Variants in AIFM3 observed in about 807,000 individuals in gnomAD.
The protein encoded by AIFM3 is AIF family member 3, also known as apoptosis-inducing factor 3.
Under a neutral mutation model 82.7 loss-of-function variants are expected in AIFM3, and 71 were observed. That is an observed-to-expected ratio of 0.86 (90% confidence interval 0.71 to 1.05). The LOEUF (loss-of-function observed/expected upper bound fraction) is 1.05, where lower values mean the gene tolerates loss of function less well. AIFM3 is among the 50% of genes least tolerant of loss of function. The pLI, the probability that AIFM3 is intolerant of heterozygous loss-of-function variation, is 0.00. For synonymous variants in AIFM3, 337 were observed against 329.1 expected, an observed-to-expected ratio of 1.02 and a Z score of -0.26; for missense variants, 748 against 816.7, an observed-to-expected ratio of 0.92 and a Z score of 1.03.
At chr22:20,969,652 A>G (rs915977292) in intron 2 of AIFM3, among the ~76,000 whole-genome samples, 1 of 152,114 alleles carries the variant, frequency 6.6e-6, no homozygotes, top group Non-Finnish European at 1.5e-5. Flanking sequence ...GATGGTCTCT[A>G]TCTCCTGACC....
Position 20,976,660 on chromosome 22 carries a change from T to C in AIFM3, c.1040T>C (p.Val347Ala). Residue 347 changes from valine to alanine, a missense_variant, in exon 12 of 21, where the codon GTG becomes GCG. Physicochemically the swap from Val to Ala is moderately conservative, Grantham distance 64. This residue lies in a region of AIFM3 where 393 missense variants were observed against 481.1 expected (regional missense o/e 0.82). Transcript: ENST00000440238. ...CCCTGCCCATCACCAGGGATGGAGG[T>C]GGCCGCTTACCTGACGGAGAAGGCC... ...VVGAGFLGME[V>A]AAYLTEKAHS... 1.2e-6 allele frequency: 2 copies of C among 1,610,028 alleles called. No individual in the cohort carries two copies. The highest frequency in any genetic ancestry group is 2.2e-5 in the South Asian group (2 of 90,584).
At chr22:20,968,548 T>A (rs178255) in intron 2 of AIFM3, among the ~76,000 whole-genome samples, 2 of 151,994 alleles carry the variant, frequency 1.3e-5, no homozygotes. Flanking sequence ...GAAATCACCA[T>A]CCAACCTAGC....
intron 2 of AIFM3, among the ~76,000 whole-genome samples, chr22:20,972,883 A>G (rs763956423): frequency 5.9e-5 from 9 of 152,030 alleles, no homozygotes; most frequent in Non-Finnish European, 1.3e-4. Flanking sequence ...TGTCTCTACC[A>G]ACCCTGTCAC....
rs914239915 is a variant in AIFM3 at position 20,979,615 on chromosome 22, C to T, written c.1577-12C>T. The stretch of plus-strand genomic sequence containing the variant: ...GGCTCACGTGGGTGCCACCCACCTG[C>T]CCGGCCCACAGGCTACGGAGAAGGC... On this transcript the variant is annotated splice_polypyrimidine_tract_variant and intron_variant, in intron 17 of 20. Transcript: ENST00000440238. The T allele has an allele frequency of 1.9e-6, 3 of 1,613,990 alleles. No individual in the cohort carries two copies. The highest frequency in any genetic ancestry group is 1.7e-5 in the Admixed American group (1 of 60,006).
Position 20,976,760 on chromosome 22 carries a change from C to T in AIFM3, c.1140C>T (p.Leu380=), listed in dbSNP as rs761354018. Residue 380 remains leucine, a synonymous_variant, in exon 12 of 21, where the codon CTC becomes CTT. Coordinates refer to ENST00000440238, the MANE Select transcript of AIFM3 (RefSeq NM_001386814.1). ...TGGGGGAGCGCGTGGGTCGTGCCCTCATGAAGGTGAGCCCACCCCAGCACC... is the reference window on the plus strand; with the variant it reads ...TGGGGGAGCGCGTGGGTCGTGCCCTTATGAAGGTGAGCCCACCCCAGCACC... ...RFLGERVGRA[L]MKMFENNRVK... The T allele has an allele frequency of 6.8e-6, 11 of 1,612,208 alleles. No individual in the cohort carries two copies. Among genetic ancestry groups the T allele is most frequent in the Non-Finnish European group, 9.3e-6 (11 of 1,179,106 alleles).
rs760070671 is a variant in AIFM3, at chr22:20,967,859, G to C, written c.-86G>C. ...CTCCAGCGTCTCTAAGGCCTGCAGGGGGTCCAGCCCCATGGGGGGCGCCCT... is the reference window on the plus strand; with the variant it reads ...CTCCAGCGTCTCTAAGGCCTGCAGGCGGTCCAGCCCCATGGGGGGCGCCCT... On this transcript the variant is annotated 5_prime_UTR_variant, in exon 2 of 21. Transcript: ENST00000440238. The C allele has an allele frequency of 1.4e-6, 2 of 1,475,024 alleles. No homozygotes were observed. The highest frequency in any genetic ancestry group is 1.9e-6 in the Non-Finnish European group (2 of 1,055,738). 91.4% of individuals were successfully genotyped at this position (1,475,024 alleles called of 1,614,324 possible). A position where few individuals can be genotyped will look rare whatever the true frequency, so the allele number is the denominator to read the frequency against.
Position 20,971,968 on chromosome 22 carries a change from G to T in AIFM3, c.32-1339G>T, listed in dbSNP as rs570955414. ...GAAGTGGCTCTGTATGGAGGCTGTG[G>T]GGGGGGGGGGCTGTGCCCCCTCTGT... On this transcript the variant is annotated intron_variant, in intron 2 of 20. Coordinates refer to ENST00000440238, the MANE Select transcript of AIFM3 (RefSeq NM_001386814.1). Among the ~76,000 whole-genome samples the T allele has an allele frequency of 1.1e-4, 10 of 93,356 alleles. No individual in the cohort carries two copies. The South Asian group carries it at 3.5e-3, about 33-fold the overall frequency. 61.2% of individuals were successfully genotyped at this position (93,356 alleles called of 152,430 possible). A position where few individuals can be genotyped will look rare whatever the true frequency, so the allele number is the denominator to read the frequency against.
intron 19 of AIFM3, 193 bp downstream of exon 19, chr22:20,980,317 C>G (rs1277246530): frequency 1.6e-6 from 1 of 613,852 alleles, no homozygotes; most frequent in Admixed American, 2.9e-5. Context: ...GTTATGTGTT[C>G]ATGGTGGATG....
chr22:20,980,973 C>A lies in AIFM3; in HGVS notation c.1779-19C>A, dbSNP rs1394298604. The A allele has an allele frequency of 6.2e-7, 1 of 1,614,172 alleles. No individual in the cohort carries two copies. The highest frequency in any genetic ancestry group is 1.1e-5 in the South Asian group (1 of 91,082). ...CCTGTTTTCTTCTGTCTTGACCCCTCCTCCCCTCACTCCTGCAGGACTGGC... is the reference window on the plus strand; with the variant it reads ...CCTGTTTTCTTCTGTCTTGACCCCTACTCCCCTCACTCCTGCAGGACTGGC... On this transcript the variant is annotated intron_variant, in intron 20 of 20. Transcript: ENST00000440238.
At position 20,977,529 on chromosome 22, in the gene AIFM3, C is replaced by T. The variant is rs557182141; in HGVS notation, c.1283-171C>T. The T allele has an allele frequency of 9.0e-5, 66 of 731,616 alleles. No homozygotes were observed. The East Asian group carries it at 1.2e-3, about 13-fold the overall frequency. The allele number at this position is 731,616 out of a possible 1,614,324, so 45.3% of individuals were successfully genotyped here. A position where few individuals can be genotyped will look rare whatever the true frequency, so the allele number is the denominator to read the frequency against. Reference sequence around the variant, plus strand: ...ATATCTGAGGTCTTGCGGGAGGCACCGGGTCTGTGGGAGACCGGGTAGTGG... The same window carrying T: ...ATATCTGAGGTCTTGCGGGAGGCACTGGGTCTGTGGGAGACCGGGTAGTGG... On this transcript the variant is annotated intron_variant, in intron 14 of 20. Coordinates refer to ENST00000440238, the MANE Select transcript of AIFM3 (RefSeq NM_001386814.1).
intron 15 of AIFM3, 30 bp downstream of exon 15, chr22:20,977,806 C>T (rs772893617): frequency 6.2e-7 from 1 of 1,613,946 alleles, no homozygotes; most frequent in Non-Finnish European, 8.5e-7. Flanking sequence ...GTGGGGAGGA[C>T]CCGGTGCTGG....
At chr22:20,980,528 C>G in intron 19 of AIFM3, 3 of 635,044 alleles carry the variant, frequency 4.7e-6, no homozygotes, top group Non-Finnish European at 8.4e-6. Context: ...CTAGGTTTCA[C>G]TCAACACCAG....
chr22:20,979,405 G>A (rs1224190859), intron 17 of AIFM3, 36 bp downstream of exon 17: 12 of 1,539,266 alleles, frequency 7.8e-6, no homozygotes, highest in Non-Finnish European at 1.1e-5. Context: ...CGGGGCCGAG[G>A]GCGTTTAGGG....
chr22:20,967,650 G>A, intron 1 of AIFM3, 155 bp from the exon 2 acceptor site: 1 of 505,730 alleles, frequency 2.0e-6, no homozygotes, highest in Non-Finnish European at 3.5e-6. Flanking sequence ...AAGGGGAGGT[G>A]ACCTCCAGGG....
chr22:20,977,110 G>A lies in AIFM3; in HGVS notation c.1282+15G>A, dbSNP rs758335803. 6.2e-7 allele frequency: 1 copy of A among 1,613,792 alleles called. No homozygotes were observed. The highest frequency in any genetic ancestry group is 1.3e-5 in the African/African-American group (1 of 75,032). On this transcript the variant is annotated intron_variant, in intron 14 of 20. Coordinates refer to ENST00000440238, the MANE Select transcript of AIFM3 (RefSeq NM_001386814.1). ...GGTGGGCATTGGTGAGTTGGTGTGTGGGCAGGCAGGCACAAAGCAGCCCAG... is the reference window on the plus strand; with the variant it reads ...GGTGGGCATTGGTGAGTTGGTGTGTAGGCAGGCAGGCACAAAGCAGCCCAG...
intron 6 of AIFM3, 21 bp from the exon 7 acceptor site, chr22:20,974,504 C>G (rs1391388029): frequency 2.5e-6 from 4 of 1,603,690 alleles, no homozygotes; most frequent in Non-Finnish European, 3.4e-6. Flanking sequence ...CAGTGACCCT[C>G]CACCCTCCTG....
At position 20,981,002 on chromosome 22, in the gene AIFM3, A is replaced by G. The variant is rs1479975753; in HGVS notation, c.1789A>G (p.Met597Val). The part of the protein sequence containing the change: ...LFVLHSKTGD[M>V]SWLTGKGS ...CCCTCACTCCTGCAGGACTGGCGACATGTCCTGGCTTACGGGGAAAGGATC... is the reference window on the plus strand; with the variant it reads ...CCCTCACTCCTGCAGGACTGGCGACGTGTCCTGGCTTACGGGGAAAGGATC... The change falls in exon 21 of 21, where the codon ATG becomes GTG. Residue 597 changes from methionine (M) to valine (V), a missense_variant. Transcript: ENST00000440238. 1.2e-5 allele frequency: 20 copies of G among 1,614,078 alleles called. No individual in the cohort carries two copies. The highest frequency in any genetic ancestry group is 1.5e-5 in the Non-Finnish European group (18 of 1,180,038).
At chr22:20,973,999 G>A (rs1923453160) in intron 4 of AIFM3, 64 bp from the exon 5 acceptor site, 1 of 1,525,814 alleles carries the variant, frequency 6.6e-7, no homozygotes, top group East Asian at 2.4e-5. Flanking sequence ...CAGTTGCCGG[G>A]GCACTGAGAT....
Position 20,980,110 on chromosome 22 carries a change from G to T in AIFM3, c.1743G>T (p.Arg581=). The part of the protein sequence containing the change: ...AEVLASGRAI[R]KREVELFVLH... ...TGCTGGCCTCAGGCCGTGCCATCCG[G>T]AAGCGGGAGGTGGAGTGAGTGTGGG... The change falls in exon 19 of 21, where the codon CGG becomes CGT. Residue 581 remains arginine (R), a synonymous_variant. Coordinates refer to ENST00000440238, the MANE Select transcript of AIFM3 (RefSeq NM_001386814.1). The T allele has an allele frequency of 6.2e-7, 1 of 1,608,284 alleles. No homozygotes were observed.
Sources: gnomAD v4.1 joint callset for allele counts (sites outside exome capture counted in the v4.1 genomes callset) on GRCh38, gnomAD v4.1.1 for gene constraint, gnomAD v4.1.1 regional missense constraint, MANE v1.5 for transcripts, NCBI Gene and HGNC (gene_info 2026-07-23, HGNC 2026-07-21) for gene names.